CDH8: variants seen among roughly 807,000 people sequenced by gnomAD.
CDH8 encodes the protein cadherin-8.
A neutral mutation model predicts 68.1 loss-of-function variants in CDH8; 17 were observed. The ratio of observed to expected loss-of-function variants is 0.25; its 90% CI spans 0.17 to 0.37. The LOEUF (loss-of-function observed/expected upper bound fraction) is 0.37. Among genes scored for constraint, CDH8 ranks in the 10% least tolerant of loss-of-function variants. The probability of loss-of-function intolerance (pLI) is 1.00; values close to 1 mark genes in which losing one functional copy is unlikely to be tolerated. For missense variants in CDH8, 763 were observed against 999.3 expected, an observed-to-expected ratio of 0.76 and a Z score of 3.19; for synonymous variants, 372 against 365.1, an observed-to-expected ratio of 1.02 and a Z score of -0.21.
At chr16:61,897,070 T>C (rs1281038904) in intron 3 of CDH8, among the ~76,000 whole-genome samples, 4 of 147,972 alleles carry the variant, frequency 2.7e-5, no homozygotes, top group Admixed American at 1.4e-4. Flanking sequence ...ATATCTTTAT[T>C]ATATATATAA....
intron 3 of CDH8, among the ~76,000 whole-genome samples, chr16:61,863,330 CATA>C (rs1270372831): frequency 3.9e-5 from 6 of 152,114 alleles, no homozygotes; most frequent in Non-Finnish European, 8.8e-5. Flanking sequence ...TCCCCTTCCA[CATA>C]ATAACAGCAA....
Position 61,653,143 on chromosome 16 carries a change from T to C in CDH8, c.*465A>G, listed in dbSNP as rs757059825. On this transcript the variant is annotated 3_prime_UTR_variant, in exon 12 of 12. Transcript: ENST00000577390. Reference sequence around the variant, plus strand: ...ATGTACAGCAGACCAAGTATTGCTTTATCATTTGTGGCGGGATCCTTATTG... The same window carrying C: ...ATGTACAGCAGACCAAGTATTGCTTCATCATTTGTGGCGGGATCCTTATTG... The C allele has an allele frequency of 1.2e-4, 153 of 1,236,604 alleles. 1 individual carries two copies. The South Asian group carries it at 2.6e-3, about 21-fold the overall frequency. The allele number at this position is 1,236,604 out of a possible 1,614,324, so 76.6% of individuals were successfully genotyped here. A position where few individuals can be genotyped will look rare whatever the true frequency, so the allele number is the denominator to read the frequency against.
intron 8 of CDH8, among the ~76,000 whole-genome samples, chr16:61,757,244 A>C (rs897486313): frequency 1.3e-5 from 2 of 152,204 alleles, no homozygotes; most frequent in African/African-American, 2.4e-5. Context: ...TTTATCCAAA[A>C]ACAAAGCAAT....
At chr16:61,750,242 T>C (rs1008903625) in intron 8 of CDH8, among the ~76,000 whole-genome samples, 2 of 152,130 alleles carry the variant, frequency 1.3e-5, no homozygotes, top group Non-Finnish European at 2.9e-5. Flanking sequence ...AGTTGCTTTC[T>C]AACATACCTG....
At chr16:61,839,210 T>A (rs185076785) in intron 4 of CDH8, among the ~76,000 whole-genome samples, 23 of 152,134 alleles carry the variant, frequency 1.5e-4, no homozygotes, top group African/African-American at 5.5e-4. Flanking sequence ...GATCTTTAAC[T>A]TTTTTTTCCT....
At chr16:61,909,814 C>T (rs1439495862) in intron 2 of CDH8, among the ~76,000 whole-genome samples, 6 of 152,214 alleles carry the variant, frequency 3.9e-5, no homozygotes, top group African/African-American at 1.2e-4. Context: ...AATAGAAAGG[C>T]AGTATACCCA....
chr16:62,016,874 C>T (rs74904555), intron 2 of CDH8, among the ~76,000 whole-genome samples: 2,028 of 152,300 alleles, frequency 0.013, 41 homozygotes, highest in African/African-American at 0.045. Flanking sequence ...ACAGTCTCCA[C>T]AGAGGTAATT....
chr16:62,008,931 A>C lies in CDH8; in HGVS notation c.252+12221T>G, dbSNP rs1425174346. Among the ~76,000 whole-genome samples the C allele has an allele frequency of 2.4e-5, 3 of 127,080 alleles. No homozygotes were observed. The East Asian group carries it at 8.0e-4, about 34-fold the overall frequency. The allele number at this position is 127,080 out of a possible 152,430, so 83.4% of individuals were successfully genotyped here. A position where few individuals can be genotyped will look rare whatever the true frequency, so the allele number is the denominator to read the frequency against. On this transcript the variant is annotated intron_variant, in intron 2 of 11. Coordinates refer to ENST00000577390, the MANE Select transcript of CDH8 (RefSeq NM_001796.5). ...GGAAAGCTCCTTTAAGAGAAAAAATAATAGGATGTGCACACACACACACAC... is the reference window on the plus strand; with the variant it reads ...GGAAAGCTCCTTTAAGAGAAAAAATCATAGGATGTGCACACACACACACAC...
intron 10 of CDH8, among the ~76,000 whole-genome samples, chr16:61,690,255 T>C (rs1397430063): frequency 2.0e-5 from 3 of 152,092 alleles, no homozygotes; most frequent in Middle Eastern, 3.2e-3. Context: ...TAAAGGTTAA[T>C]AATTCCTCTA....
At chr16:61,866,567 ATAGT>A (rs1441090701) in intron 3 of CDH8, among the ~76,000 whole-genome samples, 3 of 148,388 alleles carry the variant, frequency 2.0e-5, no homozygotes, top group Non-Finnish European at 4.5e-5. Context: ...ATAGAATTAT[ATAGT>A]GTGTGTGTGT....
At chr16:62,034,893 T>G (rs888347037) in intron 1 of CDH8, among the ~76,000 whole-genome samples, 4 of 152,186 alleles carry the variant, frequency 2.6e-5, no homozygotes, top group Non-Finnish European at 4.4e-5. Flanking sequence ...GTTTGATTTC[T>G]TACATTTAGC....
At chr16:61,668,927 C>A (rs115850268) in intron 10 of CDH8, among the ~76,000 whole-genome samples, 2 of 151,934 alleles carry the variant, frequency 1.3e-5, no homozygotes, top group Non-Finnish European at 2.9e-5. Flanking sequence ...AGTAGTTGAG[C>A]CAAAGAGTAA....
intron 2 of CDH8, among the ~76,000 whole-genome samples, chr16:61,969,065 C>T (rs1367432569): frequency 6.6e-6 from 1 of 152,168 alleles, no homozygotes; most frequent in Admixed American, 6.5e-5. Flanking sequence ...GAAATAAAAC[C>T]TTCTCAGTCA....
intron 2 of CDH8, among the ~76,000 whole-genome samples, chr16:61,967,870 A>G (rs1965279058): frequency 6.6e-6 from 1 of 152,154 alleles, no homozygotes; most frequent in Admixed American, 6.5e-5. Flanking sequence ...GTGCAATGGC[A>G]TGATCTTGGC....
At chr16:61,853,467 T>A (rs140147677) in intron 4 of CDH8, among the ~76,000 whole-genome samples, 1 of 152,202 alleles carries the variant, frequency 6.6e-6, no homozygotes, top group East Asian at 1.9e-4. Context: ...TGTAACCCGG[T>A]GAGGGACTGT....
At chr16:61,752,408 C>T (rs1960191854) in intron 8 of CDH8, among the ~76,000 whole-genome samples, 1 of 152,150 alleles carries the variant, frequency 6.6e-6, no homozygotes, top group Non-Finnish European at 1.5e-5. Context: ...AATTAAACAA[C>T]CTCCTTTTCT....
At chr16:61,719,063 A>G (rs1300250390) in intron 9 of CDH8, among the ~76,000 whole-genome samples, 1 of 151,100 alleles carries the variant, frequency 6.6e-6, no homozygotes, top group Non-Finnish European at 1.5e-5. Context: ...GATAATTTGC[A>G]TGGCATTCCA....
At chr16:61,856,022 A>T (rs566471305) in intron 4 of CDH8, among the ~76,000 whole-genome samples, 23 of 152,242 alleles carry the variant, frequency 1.5e-4, no homozygotes, top group African/African-American at 5.5e-4. Flanking sequence ...ACCTATTTAT[A>T]TATAAATGTA....
intron 2 of CDH8, among the ~76,000 whole-genome samples, chr16:61,943,692 T>C (rs1964758604): frequency 1.3e-5 from 2 of 152,214 alleles, no homozygotes; most frequent in African/African-American, 2.4e-5. Flanking sequence ...CTTTGGAAAA[T>C]ATAAGTGAGA....
Sources: gnomAD v4.1 joint callset for allele counts (sites outside exome capture counted in the v4.1 genomes callset) on GRCh38, gnomAD v4.1.1 for gene constraint, MANE v1.5 for transcripts, NCBI Gene and HGNC (gene_info 2026-07-23, HGNC 2026-07-21) for gene names.